Variants in ABCA9 observed in about 807,000 individuals in gnomAD.
The protein encoded by ABCA9 is ATP binding cassette subfamily A member 9.
Under a neutral mutation model 205.3 loss-of-function variants are expected in ABCA9, and 183 were observed. That is an observed-to-expected ratio of 0.89 (90% confidence interval 0.79 to 1.01). The LOEUF (loss-of-function observed/expected upper bound fraction) is 1.01. Among genes scored for constraint, ABCA9 ranks in the 50% least tolerant of loss-of-function variants. The pLI is 0.00. For missense variants in ABCA9, 1,805 were observed against 1,912.4 expected (o/e 0.94, Z 1.05); for synonymous variants, 651 against 683.3 (o/e 0.95, Z 0.74).
the ABCA9 span, among the ~76,000 whole-genome samples, chr17:69,066,093 G>A: frequency 6.6e-6 from 1 of 152,190 alleles, no homozygotes; most frequent in African/African-American, 2.4e-5. Flanking sequence ...CTAGCAACGT[G>A]AGAACGAACT....
rs566715095 is a variant in ABCA9 at position 68,982,950 on chromosome 17, G to T, written c.4641-309C>A. ...GAGCCCATGGGATTGAGGCTGCAGT[G>T]AGCGGTGATTGCACCACTGCACTGT... On this transcript the variant is annotated intron_variant, in intron 36 of 38. Coordinates refer to ENST00000340001, the MANE Select transcript of ABCA9 (RefSeq NM_080283.4). 3.9e-5 allele frequency among the ~76,000 whole-genome samples: 6 copies of T among 152,322 alleles called. No homozygotes were observed. In the East Asian group the frequency reaches 7.7e-4, roughly 20 times the overall value.
intron 23 of ABCA9, among the ~76,000 whole-genome samples, chr17:69,011,022 G>T (rs2070352949): frequency 6.6e-6 from 1 of 152,044 alleles, no homozygotes; most frequent in African/African-American, 2.4e-5. Context: ...AGCTGAAAAG[G>T]GCCCTAGAAC....
At chr17:69,001,202 T>C (rs1459647579) in intron 25 of ABCA9, among the ~76,000 whole-genome samples, 6 of 151,884 alleles carry the variant, frequency 4.0e-5, no homozygotes, top group Admixed American at 3.9e-4. Flanking sequence ...TGTGCCAGTT[T>C]TCAAAGGGAA....
intron 8 of ABCA9, 190 bp downstream of exon 8, chr17:69,035,056 T>G: frequency 2.4e-6 from 1 of 416,718 alleles, no homozygotes; most frequent in Non-Finnish European, 4.2e-6. Flanking sequence ...AAGGGTATGA[T>G]CCTATATTTA....
At chr17:69,045,692 C>G (rs919171771) in intron 3 of ABCA9, among the ~76,000 whole-genome samples, 2 of 152,086 alleles carry the variant, frequency 1.3e-5, no homozygotes, top group African/African-American at 4.8e-5. Flanking sequence ...AGGAAACTTA[C>G]AATCATAGCA....
Position 68,986,312 on chromosome 17 carries a change from CT to C in ABCA9, c.4059del (p.Ser1355AlafsTer23). On this transcript the variant is annotated frameshift_variant, in exon 32 of 39. Coordinates refer to ENST00000340001, the MANE Select transcript of ABCA9 (RefSeq NM_080283.4). LOFTEE classifies it high-confidence loss of function. ...TKPTAGQVIL[K>X]GSGGGEPLGF... ...CCCAGGGGTTCCCCTCCACCGCTCCCTTTCAAAATCACCTATGCAAAATAAG... is the reference window on the plus strand; with the variant it reads ...CCCAGGGGTTCCCCTCCACCGCTCCCTTCAAAATCACCTATGCAAAATAAG... The C allele has an allele frequency of 6.2e-7, 1 of 1,607,486 alleles. No individual in the cohort carries two copies. Among genetic ancestry groups the C allele is most frequent in the Non-Finnish European group, 8.5e-7 (1 of 1,177,542 alleles).
At chr17:69,078,296 G>A in the ABCA9 span, among the ~76,000 whole-genome samples, 3 of 151,654 alleles carry the variant, frequency 2.0e-5, no homozygotes, top group African/African-American at 7.3e-5. Flanking sequence ...TGCCTCCCGG[G>A]TTCAAGCAAT....
Position 69,027,639 on chromosome 17 carries a change from CCT to C in ABCA9, c.1790_1791del (p.Glu597GlyfsTer27). The C allele has an allele frequency of 1.9e-6, 3 of 1,612,762 alleles. No individual in the cohort carries two copies. Among genetic ancestry groups the C allele is most frequent in the Non-Finnish European group, 2.5e-6 (3 of 1,179,712 alleles). On this transcript the variant is annotated frameshift_variant and splice_region_variant, in exon 13 of 39. Coordinates refer to ENST00000340001, the MANE Select transcript of ABCA9 (RefSeq NM_080283.4). LOFTEE classifies it high-confidence loss of function. ...ATGTGACATCTAATATGCTCACATA[CCT>C]CTTTCTCCACTTCATGTGGCAAAAT... The part of the protein sequence containing the change: ...KGILPHEVEK[E>X]VQRVVQELEM...
intron 22 of ABCA9, among the ~76,000 whole-genome samples, chr17:69,012,726 C>T (rs963831953): frequency 1.6e-4 from 25 of 152,000 alleles, no homozygotes; most frequent in African/African-American, 4.6e-4. Context: ...TTATCCTTTG[C>T]GTTACAAACA....
At chr17:69,041,006 G>A (rs1274574607) in intron 6 of ABCA9, among the ~76,000 whole-genome samples, 1 of 151,946 alleles carries the variant, frequency 6.6e-6, no homozygotes, top group Non-Finnish European at 1.5e-5. Flanking sequence ...AATCCTGAGA[G>A]GTAGTTATTT....
chr17:68,981,973 C>G (rs1005674263), intron 37 of ABCA9, among the ~76,000 whole-genome samples: 47 of 151,154 alleles, frequency 3.1e-4, no homozygotes, highest in African/African-American at 1.1e-3. Flanking sequence ...ACTAACATGA[C>G]AGGGAAAAAC....
rs560673026 is a variant in ABCA9 at position 69,010,380 on chromosome 17, C to A, written c.3147+1596G>T. On this transcript the variant is annotated intron_variant, in intron 23 of 38. Coordinates refer to ENST00000340001, the MANE Select transcript of ABCA9 (RefSeq NM_080283.4). ...AGAACAGAAGAAAGAGCATTCCAGC[C>A]AGAAGAAATGGCCAATGTAAAGGCC... Among the ~76,000 whole-genome samples, 3 of 151,956 alleles carry A rather than the reference C, an allele frequency of 2.0e-5. No homozygotes were observed. In the South Asian group the frequency reaches 6.2e-4, roughly 32 times the overall value.
At chr17:68,992,960 A>G in intron 27 of ABCA9, 56 bp downstream of exon 27, 1 of 1,419,424 alleles carries the variant, frequency 7.0e-7, no homozygotes, top group East Asian at 2.3e-5. Flanking sequence ...GAAACTCAAA[A>G]CATACAAAAG....
In ABCA9 at chr17:69,049,271, C is replaced by A; in HGVS notation, c.304+12G>T. The A allele has an allele frequency of 6.3e-7, 1 of 1,588,586 alleles. No homozygotes were observed. Among genetic ancestry groups the A allele is most frequent in the Non-Finnish European group, 8.6e-7 (1 of 1,164,044 alleles). ...AAATAAGGAAATTACTATGAACAAC[C>A]AGGGAACATACCTTTTAGGAATGGG... On this transcript the variant is annotated intron_variant, in intron 3 of 38. Transcript: ENST00000340001.
chr17:69,017,684 C>T lies in ABCA9; in HGVS notation c.2873G>A (p.Gly958Asp). 6.2e-7 allele frequency: 1 copy of T among 1,613,210 alleles called. No homozygotes were observed. Among genetic ancestry groups the T allele is most frequent in the Non-Finnish European group, 8.5e-7 (1 of 1,179,360 alleles). The change falls in exon 21 of 39, where the codon GGT becomes GAT. Residue 958 changes from glycine (G) to aspartate (D), a missense_variant. Physicochemically the swap from Gly to Asp is moderately conservative, Grantham distance 94. Coordinates refer to ENST00000340001, the MANE Select transcript of ABCA9 (RefSeq NM_080283.4). ...TTCATCACCTGACACAATGATAGCACCATTGTAAGATGGGTCATCTGTGCC... is the reference window on the plus strand; with the variant it reads ...TTCATCACCTGACACAATGATAGCATCATTGTAAGATGGGTCATCTGTGCC... Reference protein sequence around the residue: ...RNGTDDPSYNGAIIVSGDEKD... With the variant: ...RNGTDDPSYNDAIIVSGDEKD...
chr17:69,001,041 G>A (rs1454742947), intron 25 of ABCA9, among the ~76,000 whole-genome samples: 2 of 152,036 alleles, frequency 1.3e-5, no homozygotes, highest in Admixed American at 1.3e-4. Context: ...GGGTTTTCTA[G>A]ATATACAATC....
At chr17:69,015,758 G>A (rs1474184765) in intron 22 of ABCA9, among the ~76,000 whole-genome samples, 1 of 151,858 alleles carries the variant, frequency 6.6e-6, no homozygotes, top group Non-Finnish European at 1.5e-5. Context: ...TCTGTTTTTT[G>A]TAAATTGATG....
upstream of ABCA9, among the ~76,000 whole-genome samples, chr17:69,061,886 T>C (rs1000691480): frequency 6.6e-6 from 1 of 152,210 alleles, no homozygotes; most frequent in African/African-American, 2.4e-5. Context: ...TGTTAAATTC[T>C]TCAGTACTGT....
At chr17:69,007,211 G>A (rs1184087688) in intron 25 of ABCA9, among the ~76,000 whole-genome samples, 17 of 152,226 alleles carry the variant, frequency 1.1e-4, no homozygotes, top group Non-Finnish European at 2.1e-4. Context: ...GACCAGCCTG[G>A]CCAATATGGT....
Sources: allele counts gnomAD v4.1 joint callset (sites outside exome capture counted in the v4.1 genomes callset), GRCh38; gene constraint gnomAD v4.1.1; transcripts MANE v1.5; gene names NCBI Gene and HGNC (gene_info 2026-07-23, HGNC 2026-07-21).